CDK14: variants seen among roughly 807,000 people sequenced by gnomAD.
The protein encoded by CDK14 is cyclin dependent kinase 14.
In CDK14, 34 loss-of-function variants were observed where a neutral mutation model predicts 60.7. The ratio of observed to expected loss-of-function variants is 0.56; its 90% CI spans 0.43 to 0.75. The LOEUF is 0.75. Among genes scored for constraint, CDK14 ranks in the 30% least tolerant of loss-of-function variants. The pLI is 0.00. For synonymous variants in CDK14, 197 were observed against 203.7 expected (o/e 0.97, Z 0.28); for missense variants, 482 against 564.1 (o/e 0.85, Z 1.47).
At chr7:90,772,558 T>C (rs1356446898) in intron 4 of CDK14, among the ~76,000 whole-genome samples, 2 of 152,108 alleles carry the variant, frequency 1.3e-5, no homozygotes, top group Non-Finnish European at 2.9e-5. Flanking sequence ...ATCTGGTTGT[T>C]TTGAAAGTGA....
intron 14 of CDK14, among the ~76,000 whole-genome samples, chr7:91,139,784 T>TA (rs1800392364): frequency 1.4e-5 from 1 of 72,490 alleles, no homozygotes; most frequent in South Asian, 5.9e-4. Context: ...TTTTTTTCTT[T>TA]CCTTTCTTTC....
intron 10 of CDK14, among the ~76,000 whole-genome samples, chr7:91,017,603 C>G (rs1468037757): frequency 1.3e-5 from 2 of 152,056 alleles, no homozygotes; most frequent in Non-Finnish European, 2.9e-5. Flanking sequence ...GACTTTTGGT[C>G]TGTGTATTGC....
chr7:91,032,508 A>G (rs1050713228), intron 10 of CDK14, among the ~76,000 whole-genome samples: 3 of 152,226 alleles, frequency 2.0e-5, no homozygotes, highest in Admixed American at 6.5e-5. Context: ...CAGGTAAGCC[A>G]TAAGTTCAGT....
chr7:90,818,235 C>A (rs894847798), intron 5 of CDK14, among the ~76,000 whole-genome samples: 4 of 152,156 alleles, frequency 2.6e-5, no homozygotes, highest in African/African-American at 9.7e-5. Context: ...CACACATAAC[C>A]AATTAAGTCC....
chr7:91,030,712 A>G (rs74735722), intron 10 of CDK14, among the ~76,000 whole-genome samples: 6,378 of 152,190 alleles, frequency 0.042, 439 homozygotes, highest in African/African-American at 0.14. Flanking sequence ...CAGTGCTAAA[A>G]ATGCAGAGGA....
chr7:90,850,953 C>A (rs1213105144), intron 5 of CDK14, among the ~76,000 whole-genome samples: 1 of 152,118 alleles, frequency 6.6e-6, no homozygotes, highest in Non-Finnish European at 1.5e-5. Flanking sequence ...CAGGATATAT[C>A]TGATGTCCTT....
At chr7:90,704,726 C>T (rs1452929640) in intron 2 of CDK14, among the ~76,000 whole-genome samples, 2 of 152,168 alleles carry the variant, frequency 1.3e-5, no homozygotes, top group South Asian at 2.1e-4. Flanking sequence ...CATGCAATGT[C>T]GTGCATGACA....
intron 2 of CDK14, among the ~76,000 whole-genome samples, chr7:90,667,482 C>T (rs1419781567): frequency 6.6e-6 from 1 of 152,062 alleles, no homozygotes; most frequent in Non-Finnish European, 1.5e-5. Flanking sequence ...TTGGATTTTG[C>T]CTCTTCTGGA....
In CDK14 at chr7:90,700,075, G is replaced by A. The variant is rs189681136; in HGVS notation, c.124-26492G>A. On this transcript the variant is annotated intron_variant, in intron 2 of 14. Coordinates refer to ENST00000380050, the MANE Select transcript of CDK14 (RefSeq NM_001287135.2). ...CAAAGCTATATTTTTCTTAACATAG[G>A]TGGAAAAAAAGTTTGGTTGTCTGTG... 5.9e-5 allele frequency among the ~76,000 whole-genome samples: 9 copies of A among 152,180 alleles called. No homozygotes were observed. The East Asian group carries it at 1.5e-3, about 26-fold the overall frequency.
chr7:90,631,722 C>T (rs17865282), intron 2 of CDK14, among the ~76,000 whole-genome samples: 1 of 152,072 alleles, frequency 6.6e-6, no homozygotes, highest in South Asian at 2.1e-4. Context: ...GACTGGGTTA[C>T]GAGGTTTCGC....
rs1800629213 is a variant in CDK14, at chr7:91,146,099, T to C, written c.*28+27891T>C. On this transcript the variant is annotated intron_variant, in intron 14 of 14. Transcript: ENST00000380050. ...TTAATGAAGAGGTTGATAAAGCATA[T>C]GTAGAAAAATCAGAATGTCAAAATA... is the stretch of plus-strand genomic sequence containing the variant. Among the ~76,000 whole-genome samples, 4 of 152,226 alleles carry C rather than the reference T, an allele frequency of 2.6e-5. No homozygotes were observed. In the South Asian group the frequency reaches 8.3e-4, roughly 32 times the overall value.
At chr7:90,732,714 A>G (rs1185933407) in intron 3 of CDK14, among the ~76,000 whole-genome samples, 2 of 151,978 alleles carry the variant, frequency 1.3e-5, no homozygotes, top group East Asian at 1.9e-4. Flanking sequence ...TACTGTGTCT[A>G]TTTGATTCTT....
chr7:90,619,250 C>T (rs1342504454), intron 2 of CDK14, among the ~76,000 whole-genome samples: 1 of 152,164 alleles, frequency 6.6e-6, no homozygotes, highest in African/African-American at 2.4e-5. Flanking sequence ...TTTTCTGTGT[C>T]TACTGCACAA....
At chr7:90,642,779 C>G (rs1477930327) in intron 2 of CDK14, among the ~76,000 whole-genome samples, 1 of 151,962 alleles carries the variant, frequency 6.6e-6, no homozygotes, top group East Asian at 1.9e-4. Flanking sequence ...TTACTGTTAA[C>G]TATATAATTT....
At chr7:90,668,878 T>A (rs2116526114) in intron 2 of CDK14, among the ~76,000 whole-genome samples, 1 of 150,122 alleles carries the variant, frequency 6.7e-6, no homozygotes, top group East Asian at 2.0e-4. Context: ...CTGGCTATTT[T>A]TTTTTTGTTT....
intron 11 of CDK14, among the ~76,000 whole-genome samples, chr7:91,074,533 C>T (rs996100291): frequency 6.6e-6 from 1 of 152,134 alleles, no homozygotes; most frequent in African/African-American, 2.4e-5. Flanking sequence ...ACTAAATGCT[C>T]ACATCAGAAA....
chr7:91,027,102 C>T (rs1584243978), intron 10 of CDK14, among the ~76,000 whole-genome samples: 1 of 152,168 alleles, frequency 6.6e-6, no homozygotes, highest in Non-Finnish European at 1.5e-5. Flanking sequence ...GCATTAGTCT[C>T]TTAGCTGATT....
At chr7:91,066,806 G>A (rs1221004435) in intron 11 of CDK14, among the ~76,000 whole-genome samples, 2 of 152,284 alleles carry the variant, frequency 1.3e-5, no homozygotes, top group East Asian at 3.9e-4. Context: ...TCCCTGCCCT[G>A]TCACTTAGCA....
intron 2 of CDK14, among the ~76,000 whole-genome samples, chr7:90,635,679 T>C (rs1800127934): frequency 6.6e-6 from 1 of 152,126 alleles, no homozygotes; most frequent in African/African-American, 2.4e-5. Context: ...AGAAAGTCAT[T>C]GGTAGCTTGA....
Sources: gnomAD v4.1 joint callset for allele counts (sites outside exome capture counted in the v4.1 genomes callset) on GRCh38, gnomAD v4.1.1 for gene constraint, MANE v1.5 for transcripts, NCBI Gene and HGNC (gene_info 2026-07-23, HGNC 2026-07-21) for gene names.